The following CDK15 variants were observed in gnomAD, a reference collection of about 807,000 sequenced individuals.
The protein encoded by CDK15 is cyclin-dependent kinase 15.
Under a neutral mutation model 60.3 loss-of-function variants are expected in CDK15, and 62 were observed. That is an observed-to-expected ratio of 1.03 (90% CI 0.84 to 1.27). The LOEUF (loss-of-function observed/expected upper bound fraction) is 1.27, where lower values mean the gene tolerates loss of function less well. Among genes scored for constraint, CDK15 ranks in the 50% most tolerant of loss-of-function variants. The pLI, the probability that CDK15 is intolerant of heterozygous loss-of-function variation, is 0.00. For synonymous variants in CDK15, 194 were observed against 195.7 expected, an observed-to-expected ratio of 0.99 and a Z score of 0.07; for missense variants, 541 against 527.8, an observed-to-expected ratio of 1.03 and a Z score of -0.25.
chr2:201,857,232 C>CAA (rs567723960), intron 10 of CDK15, among the ~76,000 whole-genome samples: 101 of 1,426 alleles, frequency 0.071, 44 homozygotes, highest in African/African-American at 0.35. Context: ...GACTCCGTCT[C>CAA]AAAAAAAAAA....
chr2:201,876,468 T>C, intron 11 of CDK15: 1 of 616,814 alleles, frequency 1.6e-6, no homozygotes, highest in Non-Finnish European at 2.7e-6. Context: ...AGGTTTGTGT[T>C]CATGTGGGGT....
At chr2:201,858,802 G>A (rs1698255491) in intron 10 of CDK15, among the ~76,000 whole-genome samples, 1 of 152,118 alleles carries the variant, frequency 6.6e-6, no homozygotes, top group African/African-American at 2.4e-5. Context: ...TGAAAAAAGA[G>A]GGAGGAGAAA....
At chr2:201,848,510 A>G (rs1433069388) in intron 9 of CDK15, among the ~76,000 whole-genome samples, 2 of 152,044 alleles carry the variant, frequency 1.3e-5, no homozygotes, top group Non-Finnish European at 2.9e-5. Context: ...TATCATCCCT[A>G]AGGGAAGCTC....
At chr2:201,808,937 T>C (rs1056183905) in intron 3 of CDK15, among the ~76,000 whole-genome samples, 7 of 151,750 alleles carry the variant, frequency 4.6e-5, no homozygotes, top group Non-Finnish European at 1.5e-5. Context: ...TTTATTTATT[T>C]ATTTATTTTG....
chr2:201,889,152 C>G, intron 12 of CDK15: 4 of 985,356 alleles, frequency 4.1e-6, no homozygotes, highest in Non-Finnish European at 3.6e-6. Flanking sequence ...TATTTCTTCC[C>G]TTTGGGTGTG....
At chr2:201,864,701 A>T (rs1276405819) in intron 10 of CDK15, among the ~76,000 whole-genome samples, 2 of 152,164 alleles carry the variant, frequency 1.3e-5, no homozygotes, top group African/African-American at 4.8e-5. Context: ...GTGCCCGGCC[A>T]CCCCTGCTAT....
At chr2:201,867,349 G>A (rs1248418153) in intron 10 of CDK15, among the ~76,000 whole-genome samples, 1 of 152,142 alleles carries the variant, frequency 6.6e-6, no homozygotes, top group Non-Finnish European at 1.5e-5. Flanking sequence ...AACAGCCCAG[G>A]CATGGTGGCT....
At chr2:201,863,750 G>T (rs1436692622) in intron 10 of CDK15, among the ~76,000 whole-genome samples, 2 of 152,278 alleles carry the variant, frequency 1.3e-5, no homozygotes, top group East Asian at 3.9e-4. Flanking sequence ...ACAAAAATTA[G>T]CCAGGTGTGG....
At chr2:201,854,610 G>T (rs1193562552) in intron 9 of CDK15, 1 of 470,004 alleles carries the variant, frequency 2.1e-6, no homozygotes, top group Non-Finnish European at 3.8e-6. Context: ...TTTGAGCAAG[G>T]CTGTATGATC....
chr2:201,833,521 A>G (rs1318166587), intron 6 of CDK15, among the ~76,000 whole-genome samples: 2 of 152,066 alleles, frequency 1.3e-5, no homozygotes, highest in Non-Finnish European at 2.9e-5. Context: ...TTCACATCTA[A>G]ATCAATAACT....
intron 12 of CDK15, among the ~76,000 whole-genome samples, chr2:201,887,354 AG>A (rs1420644382): frequency 6.6e-6 from 1 of 152,210 alleles, no homozygotes; most frequent in African/African-American, 2.4e-5. Flanking sequence ...ATTCTAGTTT[AG>A]GGGGGTTGTA....
At chr2:201,823,613 A>T (rs937321906) in intron 5 of CDK15, 52 bp from the exon 6 acceptor site, 16 of 1,477,124 alleles carry the variant, frequency 1.1e-5, no homozygotes, top group Middle Eastern at 1.7e-4. Context: ...TTAGGATGCT[A>T]TCTAAGCACC....
In CDK15 at chr2:201,822,875, A is replaced by G. The variant is rs1310076004; in HGVS notation, c.515A>G (p.Glu172Gly). The change falls in exon 5 of 14, where the codon GAG becomes GGG. Residue 172 changes from glutamate (E) to glycine (G), a missense_variant. Transcript: ENST00000652192. The part of the protein sequence containing the change: ...VLLHDIIHTK[E>G]TLTFVFEYMH... ...CTGCATGACATAATCCACACCAAAG[A>G]GACACTGACATTCGTTTTTGAATAC... The G allele has an allele frequency of 6.2e-7, 1 of 1,612,106 alleles. No homozygotes were observed.
intron 10 of CDK15, among the ~76,000 whole-genome samples, chr2:201,858,343 C>T (rs1698233255): frequency 7.1e-6 from 1 of 140,418 alleles, no homozygotes; most frequent in African/African-American, 2.6e-5. Context: ...TTCCTTCCCT[C>T]CCTCCCTCCC....
At chr2:201,855,259 G>A (rs1318522145) in intron 10 of CDK15, among the ~76,000 whole-genome samples, 1 of 152,152 alleles carries the variant, frequency 6.6e-6, no homozygotes, top group African/African-American at 2.4e-5. Context: ...CTCACTTTTG[G>A]GCCCCCTGAC....
intron 10 of CDK15, among the ~76,000 whole-genome samples, chr2:201,859,654 T>C (rs983959689): frequency 1.1e-4 from 17 of 152,190 alleles, no homozygotes; most frequent in African/African-American, 4.1e-4. Context: ...GTTCTCTCAA[T>C]TTAGAACAAA....
rs182855559 is a variant in CDK15 at position 201,821,395 on chromosome 2, C to T, written c.449-1414C>T. 3.9e-5 allele frequency among the ~76,000 whole-genome samples: 6 copies of T among 152,006 alleles called. No individual in the cohort carries two copies. In the East Asian group the frequency reaches 5.8e-4, roughly 15 times the overall value. On this transcript the variant is annotated intron_variant, in intron 4 of 13. Coordinates refer to ENST00000652192, the MANE Select transcript of CDK15 (RefSeq NM_001366386.2). Reference sequence around the variant, plus strand: ...TTCCAGGGGAAAATAGAAGTGCCCCCGCTAGAAGGGAGAATGGCTGTCAGG... The same window carrying T: ...TTCCAGGGGAAAATAGAAGTGCCCCTGCTAGAAGGGAGAATGGCTGTCAGG...
chr2:201,822,916 A>C lies in CDK15; in HGVS notation c.543+13A>C, dbSNP rs567925028. The C allele has an allele frequency of 2.7e-5, 41 of 1,500,288 alleles. No individual in the cohort carries two copies. In the South Asian group the frequency reaches 4.5e-4, roughly 17 times the overall value. 92.9% of individuals were successfully genotyped at this position (1,500,288 alleles called of 1,614,324 possible). A position where few individuals can be genotyped will look rare whatever the true frequency, so the allele number is the denominator to read the frequency against. ...TTTTGAATACATGGTGAGTTGTTCG[A>C]GCATTTTACAACACTTGAGAAAAAT... On this transcript the variant is annotated intron_variant, in intron 5 of 13. Coordinates refer to ENST00000652192, the MANE Select transcript of CDK15 (RefSeq NM_001366386.2).
At chr2:201,874,550 C>T (rs61059676) in intron 11 of CDK15, among the ~76,000 whole-genome samples, 35,337 of 152,034 alleles carry the variant, frequency 0.23, 4,332 homozygotes, top group East Asian at 0.45. Context: ...TCATCCGGTA[C>T]CCAGGTCTCT....
Sources: allele counts gnomAD v4.1 joint callset (sites outside exome capture counted in the v4.1 genomes callset), GRCh38; gene constraint gnomAD v4.1.1; transcripts MANE v1.5; gene names NCBI Gene and HGNC (gene_info 2026-07-23, HGNC 2026-07-21).